KLRC1: variants seen among roughly 807,000 people sequenced by gnomAD.
The protein encoded by KLRC1 is killer cell lectin like receptor C1.
A neutral mutation model predicts 25.9 loss-of-function variants in KLRC1; 22 were observed. The observed-to-expected ratio is 0.85, with a 90% CI of 0.61 to 1.21. The LOEUF is 1.21. Among genes scored for constraint, KLRC1 ranks in the 50% most tolerant of loss-of-function variants. The probability of loss-of-function intolerance (pLI) is 0.00; values close to 1 mark genes in which losing one functional copy is unlikely to be tolerated. For synonymous variants in KLRC1, 77 were observed against 93.1 expected, an observed-to-expected ratio of 0.83 and a Z score of 0.99; for missense variants, 240 against 272.2, an observed-to-expected ratio of 0.88 and a Z score of 0.83.
intron 4 of KLRC1, 26 bp downstream of exon 4, chr12:10,449,888 T>C (rs1224883468): frequency 2.8e-6 from 4 of 1,421,602 alleles, no homozygotes; most frequent in Non-Finnish European, 3.7e-6. Context: ...CTGTACAATA[T>C]TAAAACTTTA....
chr12:10,454,336 A>G (rs1346705974), upstream of KLRC1: 3 of 152,272 alleles, frequency 2.0e-5, no homozygotes, highest in Non-Finnish European at 2.9e-5. Context: ...ACTTACCAAC[A>G]GTGATTCCAT....
At chr12:10,450,126 G>T in intron 3 of KLRC1, 159 bp from the exon 4 acceptor site, 1 of 560,152 alleles carries the variant, frequency 1.8e-6, no homozygotes, top group Non-Finnish European at 2.8e-6. Context: ...GTGGTTTTTT[G>T]GAAAAGTATT....
intron 5 of KLRC1, among the ~76,000 whole-genome samples, chr12:10,448,124 A>G (rs896238220): frequency 4.7e-4 from 71 of 152,174 alleles, no homozygotes; most frequent in Admixed American, 9.8e-4. Flanking sequence ...CAGGTGGTGT[A>G]GACTCGTCTC....
At chr12:10,450,206 A>G (rs1401437316) in intron 3 of KLRC1, 1 of 431,906 alleles carries the variant, frequency 2.3e-6, no homozygotes, top group African/African-American at 2.1e-5. Flanking sequence ...ACTACTTTCA[A>G]AAATTAATTT....
intron 4 of KLRC1, among the ~76,000 whole-genome samples, chr12:10,449,633 A>G (rs1038323396): frequency 3.3e-5 from 5 of 152,206 alleles, no homozygotes; most frequent in African/African-American, 1.2e-4. Flanking sequence ...TCCACTCTAT[A>G]CATGTCTTGA....
chr12:10,453,488 C>A (rs1230915223), upstream of KLRC1: 1 of 357,720 alleles, frequency 2.8e-6, no homozygotes, highest in South Asian at 1.1e-4. Flanking sequence ...ATATAGGATA[C>A]TTGGTCTATT....
chr12:10,443,825 C>A (rs1863941471), downstream of KLRC1, among the ~76,000 whole-genome samples: 1 of 139,796 alleles, frequency 7.2e-6, no homozygotes, highest in African/African-American at 2.8e-5. Context: ...TAAAAAATAG[C>A]TATTCTAATT....
chr12:10,449,133 CAT>C, intron 5 of KLRC1, 102 bp downstream of exon 5: 1 of 1,421,614 alleles, frequency 7.0e-7, no homozygotes, highest in Non-Finnish European at 9.7e-7. Context: ...AACTTGAAAA[CAT>C]ATAAGCTAAA....
chr12:10,450,622 T>C (rs373244345), intron 2 of KLRC1, 43 bp from the exon 3 acceptor site: 5 of 1,227,292 alleles, frequency 4.1e-6, no homozygotes, highest in African/African-American at 1.5e-5. Flanking sequence ...GAGAGGTGGA[T>C]ACAGTCGTTT....
chr12:10,450,530 G>C lies in KLRC1; in HGVS notation c.237C>G (p.Ile79Met), dbSNP rs1252543353. 1 of 1,611,872 alleles carries C rather than the reference G, an allele frequency of 6.2e-7. No individual in the cohort carries two copies. The highest frequency in any genetic ancestry group is 1.7e-5 in the Admixed American group (1 of 59,978). The stretch of plus-strand genomic sequence containing the variant: ...CCACAGAGGCCATTAAGATAAGACA[G>C]ATAATTCCCAGGATCCCAACAATGA... ...EKLIVGILGIICLILMASVVT... is the reference protein window; with the variant it reads ...EKLIVGILGIMCLILMASVVT... Residue 79 changes from isoleucine to methionine, a missense_variant, in exon 3 of 7, where the codon ATC (isoleucine) becomes ATG (methionine). Coordinates refer to ENST00000359151, the MANE Select transcript of KLRC1 (RefSeq NM_002259.5).
In KLRC1 at chr12:10,450,490, T is replaced by C; in HGVS notation, c.277A>G (p.Ile93Val). Residue 93 changes from isoleucine (I) to valine (V), a missense_variant, in exon 3 of 7, where the codon ATT (isoleucine) becomes GTT (valine). Transcript: ENST00000359151. ...TCTTCGAAAATAGACTTACAGGGAA[T>C]AACAACTATCGTTACCACAGAGGCC... ...LMASVVTIVV[I>V]PSTLIQRHNN... 5 of 1,580,506 alleles carry C rather than the reference T, an allele frequency of 3.2e-6. No homozygotes were observed. The highest frequency in any genetic ancestry group is 4.3e-6 in the Non-Finnish European group (5 of 1,151,130).
At chr12:10,450,056 AT>A in intron 3 of KLRC1, 89 bp from the exon 4 acceptor site, 1 of 1,039,244 alleles carries the variant, frequency 9.6e-7, no homozygotes, top group Non-Finnish European at 1.3e-6. Context: ...TTTTTGTATT[AT>A]TTAGAGTTAG....
downstream of KLRC1, among the ~76,000 whole-genome samples, chr12:10,444,598 C>G (rs1218957773): frequency 6.6e-6 from 1 of 152,144 alleles, no homozygotes; most frequent in Non-Finnish European, 1.5e-5. Context: ...CATACATACT[C>G]ATTACCAAAC....
chr12:10,453,578 T>C (rs1009229994), upstream of KLRC1, among the ~76,000 whole-genome samples: 3 of 151,514 alleles, frequency 2.0e-5, no homozygotes, highest in Non-Finnish European at 2.9e-5. Flanking sequence ...TTTTTTTTTC[T>C]GTCTTGATCA....
chr12:10,449,194 G>T (rs771443855), intron 5 of KLRC1, 43 bp downstream of exon 5: 1 of 1,611,090 alleles, frequency 6.2e-7, no homozygotes, highest in Non-Finnish European at 8.5e-7. Context: ...ATTATCGACC[G>T]AAAGAAGCTT....
chr12:10,450,983 G>A lies in KLRC1; in HGVS notation c.174C>T (p.Thr58=). The part of the protein sequence containing the change: ...ASQDFQGNDK[T]YHCKDLPSAP... ...TAAATGCTTTACCTTTGCAGTGATA[G>A]GTTTTGTCATTCCCTTGAAAATCCT... Residue 58 remains threonine (T), a synonymous_variant, in exon 2 of 7, where the codon ACC becomes ACT. Transcript: ENST00000359151. 6.2e-7 allele frequency: 1 copy of A among 1,610,810 alleles called. No homozygotes were observed.
chr12:10,451,544 T>C (rs1281175613), intron 1 of KLRC1, among the ~76,000 whole-genome samples: 9 of 151,886 alleles, frequency 5.9e-5, no homozygotes, highest in Non-Finnish European at 1.3e-4. Flanking sequence ...TAGTCCTAGC[T>C]ACTCGGGAGG....
rs1321162935 is a variant in KLRC1 at position 10,447,611 on chromosome 12, G to A, written c.511C>T (p.Pro171Ser). The change falls in exon 6 of 7, where the codon CCA (proline) becomes TCA (serine). Residue 171 changes from proline to serine, a missense_variant. By Grantham distance (74) the Pro-to-Ser change is moderately conservative (BLOSUM62 -1). Coordinates refer to ENST00000359151, the MANE Select transcript of KLRC1 (RefSeq NM_002259.5). ...CGAAACACACCAATCCATGAGGATG[G>A]TGAAATGATGGACAGAAATTTCTAA... is the stretch of plus-strand genomic sequence containing the variant. Reference protein sequence around the residue: ...EEMKFLSIISPSSWIGVFRNS... With the variant: ...EEMKFLSIISSSSWIGVFRNS... 6.2e-7 allele frequency: 1 copy of A among 1,604,332 alleles called. No homozygotes were observed. The highest frequency in any genetic ancestry group is 1.3e-5 in the African/African-American group (1 of 74,822).
chr12:10,451,221 G>A, intron 1 of KLRC1, 34 bp from the exon 2 acceptor site: 1 of 1,354,054 alleles, frequency 7.4e-7, no homozygotes. Context: ...TTAATAAATG[G>A]TTTATATACA....
Sources: allele counts gnomAD v4.1 joint callset (sites outside exome capture counted in the v4.1 genomes callset), GRCh38; gene constraint gnomAD v4.1.1; transcripts MANE v1.5; gene names NCBI Gene and HGNC (gene_info 2026-07-23, HGNC 2026-07-21).